KCNN3: variants seen among roughly 807,000 people sequenced by gnomAD.
The protein encoded by KCNN3 is small conductance calcium-activated potassium channel protein 3.
Under a neutral mutation model 62.9 loss-of-function variants are expected in KCNN3, and 16 were observed. That is an observed-to-expected ratio of 0.25 (90% CI 0.17 to 0.39). KCNN3 has a LOEUF of 0.39. KCNN3 is among the 10% of genes least tolerant of loss of function. The probability of loss-of-function intolerance (pLI) is 1.00; values close to 1 mark genes in which losing one functional copy is unlikely to be tolerated. For synonymous variants in KCNN3, 370 were observed against 389.2 expected (o/e 0.95, Z 0.58); for missense variants, 599 against 949.4 (o/e 0.63, Z 4.85).
At position 154,719,787 on chromosome 1, in the gene KCNN3, C is replaced by T. The variant is rs141764668; in HGVS notation, c.1702-4784G>A. Reference sequence around the variant, plus strand: ...GCTCTGGCTTCCCCGGCTGCCCTCTCTTTCATCACCCTGCTTGCACCTCCT... The same window carrying T: ...GCTCTGGCTTCCCCGGCTGCCCTCTTTTTCATCACCCTGCTTGCACCTCCT... On this transcript the variant is annotated intron_variant, in intron 5 of 7. Coordinates refer to ENST00000271915, the MANE Select transcript of KCNN3 (RefSeq NM_002249.6). Among the ~76,000 whole-genome samples the T allele has an allele frequency of 1.8e-3, 275 of 152,234 alleles. 3 individuals are homozygous for T. Among genetic ancestry groups the T allele is most frequent in the African/African-American group, 6.2e-3 (258 of 41,530 alleles).
At chr1:154,733,510 T>C (rs866742312) in intron 3 of KCNN3, among the ~76,000 whole-genome samples, 2 of 152,226 alleles carry the variant, frequency 1.3e-5, no homozygotes, top group Non-Finnish European at 2.9e-5. Flanking sequence ...TGTATGTGGA[T>C]GTGATTAATC....
At position 154,862,944 on chromosome 1, in the gene KCNN3, TATCTC is replaced by T. The variant is rs1057229553; in HGVS notation, c.933+6083_933+6087del. On this transcript the variant is annotated intron_variant, in intron 1 of 7. Coordinates refer to ENST00000271915, the MANE Select transcript of KCNN3 (RefSeq NM_002249.6). This position sits in a 1 kb window ranked among gnomAD's most constrained non-coding sequence, Gnocchi z 4.1. The stretch of plus-strand genomic sequence containing the variant: ...TGGGAGCTAAACGGGCTTGGGTTCT[TATCTC>T]AGTGCCACCACCGCTGGCAGTGTCA... 6.6e-5 allele frequency among the ~76,000 whole-genome samples: 10 copies of T among 152,112 alleles called. No homozygotes were observed. The highest frequency in any genetic ancestry group is 1.2e-4 in the Non-Finnish European group (8 of 68,002).
chr1:154,792,927 C>A (rs1030240812), intron 2 of KCNN3, among the ~76,000 whole-genome samples: 4 of 152,146 alleles, frequency 2.6e-5, no homozygotes, highest in Non-Finnish European at 5.9e-5. Context: ...AGGTCTCAGG[C>A]AACTTCTAGT....
At chr1:154,799,115 C>A (rs1395524442) in intron 2 of KCNN3, among the ~76,000 whole-genome samples, 1 of 151,968 alleles carries the variant, frequency 6.6e-6, no homozygotes, top group East Asian at 1.9e-4. Flanking sequence ...TGGGGTTTCA[C>A]CATGTTGGCC....
At chr1:154,808,877 G>A (rs1650288783) in intron 2 of KCNN3, among the ~76,000 whole-genome samples, 1 of 152,198 alleles carries the variant, frequency 6.6e-6, no homozygotes, top group African/African-American at 2.4e-5. Context: ...ACAAGTGAGG[G>A]ATCTGAGGGC....
chr1:154,868,804 G>A (rs963666687), intron 1 of KCNN3, among the ~76,000 whole-genome samples: 64 of 151,998 alleles, frequency 4.2e-4, no homozygotes, highest in Non-Finnish European at 7.8e-4. Context: ...GATCAAGAAG[G>A]AAAACCACGG....
intron 5 of KCNN3, among the ~76,000 whole-genome samples, chr1:154,716,478 C>T (rs1387541912): frequency 6.6e-6 from 1 of 152,204 alleles, no homozygotes; most frequent in African/African-American, 2.4e-5. Context: ...TGTTAAAATA[C>T]TGAGATGTGT....
At chr1:154,814,790 C>G (rs573795481) in intron 2 of KCNN3, among the ~76,000 whole-genome samples, 1 of 152,326 alleles carries the variant, frequency 6.6e-6, no homozygotes, top group African/African-American at 2.4e-5. Context: ...TGGTGTAGCT[C>G]CTCTCTCTAT....
chr1:154,747,211 C>T (rs1369892852), intron 3 of KCNN3, among the ~76,000 whole-genome samples: 1 of 152,198 alleles, frequency 6.6e-6, no homozygotes, highest in East Asian at 1.9e-4. Flanking sequence ...GCTCTTCATC[C>T]CAGCCACCAC....
At chr1:154,859,608 G>T in intron 1 of KCNN3, 2 of 1,331,426 alleles carry the variant, frequency 1.5e-6, no homozygotes, top group African/African-American at 1.4e-5. Context: ...CCACTGACAG[G>T]TCAGCAAGGT....
intron 3 of KCNN3, among the ~76,000 whole-genome samples, chr1:154,748,136 G>C (rs1457089434): frequency 6.6e-6 from 1 of 152,184 alleles, no homozygotes; most frequent in East Asian, 1.9e-4. Context: ...GGACTTAGGG[G>C]AAAGTGACGT....
chr1:154,807,378 T>C (rs945997303), intron 2 of KCNN3, among the ~76,000 whole-genome samples: 1 of 152,190 alleles, frequency 6.6e-6, no homozygotes, highest in Non-Finnish European at 1.5e-5. Context: ...CAGCTCCTCC[T>C]ACCTGCCCCC....
At chr1:154,867,528 T>A (rs1479434886) in intron 1 of KCNN3, among the ~76,000 whole-genome samples, 1 of 152,104 alleles carries the variant, frequency 6.6e-6, no homozygotes, top group Admixed American at 6.6e-5. Flanking sequence ...CGGGAAAGTC[T>A]GCCCATCACC....
chr1:154,737,216 G>GA, intron 3 of KCNN3: 1 of 244,072 alleles, frequency 4.1e-6, no homozygotes, highest in Non-Finnish European at 8.4e-6. Flanking sequence ...TGGGGGGGGG[G>GA]GATAGCTCCA....
chr1:154,744,822 G>A (rs1318043738), intron 3 of KCNN3, among the ~76,000 whole-genome samples: 2 of 151,856 alleles, frequency 1.3e-5, no homozygotes, highest in East Asian at 3.9e-4. Context: ...CTTGAGGCGT[G>A]TGAAAGAATC....
At chr1:154,748,162 T>C (rs898210612) in intron 3 of KCNN3, among the ~76,000 whole-genome samples, 1 of 152,194 alleles carries the variant, frequency 6.6e-6, no homozygotes. Context: ...CCTGGTCTCA[T>C]CTCACTCCCT....
chr1:154,734,125 A>G (rs1421966547), intron 3 of KCNN3, among the ~76,000 whole-genome samples: 1 of 152,174 alleles, frequency 6.6e-6, no homozygotes, highest in Non-Finnish European at 1.5e-5. Context: ...AGAGAACCCT[A>G]ATGAAAGCCC....
chr1:154,703,440 G>A lies in KCNN3; in HGVS notation c.*4536C>T, dbSNP rs1200836730. The A allele has an allele frequency of 6.6e-6, 1 of 152,210 alleles. No individual in the cohort carries two copies. Among genetic ancestry groups the A allele is most frequent in the Admixed American group, 6.5e-5 (1 of 15,284 alleles). 9.4% of individuals were successfully genotyped at this position (152,210 alleles called of 1,614,324 possible). A position where few individuals can be genotyped will look rare whatever the true frequency, so the allele number is the denominator to read the frequency against. On this transcript the variant is annotated 3_prime_UTR_variant, in exon 8 of 8. Transcript: ENST00000271915. ...AGGTACTGAAATCAAACCCTGCAGA[G>A]TCAATAGGGATCCTTCATCTGCTTC...
chr1:154,787,241 G>A (rs1649319250), intron 2 of KCNN3, among the ~76,000 whole-genome samples: 1 of 152,270 alleles, frequency 6.6e-6, no homozygotes, highest in Non-Finnish European at 1.5e-5. Flanking sequence ...GAGGGCAGAG[G>A]CCTAGGCTCC....
Sources: gnomAD v4.1 joint callset for allele counts (sites outside exome capture counted in the v4.1 genomes callset) on GRCh38, gnomAD v4.1.1 for gene constraint, Gnocchi (gnomAD v3.1) non-coding constraint, MANE v1.5 for transcripts, NCBI Gene and HGNC (gene_info 2026-07-23, HGNC 2026-07-21) for gene names.